BBS9: variants seen among roughly 807,000 people sequenced by gnomAD.
BBS9 encodes the protein Bardet-Biedl syndrome 9, also known as protein PTHB1.
In BBS9, 89 loss-of-function variants were observed where a neutral mutation model predicts 117.7. The observed-to-expected ratio is 0.76, with a 90% CI of 0.64 to 0.90. The LOEUF (loss-of-function observed/expected upper bound fraction) is 0.90. Ranked by LOEUF, BBS9 falls within the 40% of genes least tolerant of loss-of-function variation. The probability of loss-of-function intolerance (pLI) is 0.00; values close to 1 mark genes in which losing one functional copy is unlikely to be tolerated. For synonymous variants in BBS9, 379 were observed against 370.9 expected, an observed-to-expected ratio of 1.02 and a Z score of -0.25; for missense variants, 982 against 1,042.2, an observed-to-expected ratio of 0.94 and a Z score of 0.80.
intron 5 of BBS9, among the ~76,000 whole-genome samples, chr7:33,188,975 AT>A (rs1415042965): frequency 6.6e-6 from 1 of 152,056 alleles, no homozygotes; most frequent in South Asian, 2.1e-4. Flanking sequence ...CATAGATAGT[AT>A]TTTGCTGAAA....
chr7:33,390,629 A>T, intron 19 of BBS9: 1 of 964,588 alleles, frequency 1.0e-6, no homozygotes, highest in Non-Finnish European at 1.2e-6. Flanking sequence ...TCATGAGCAT[A>T]ATAAAGTCTA....
intron 5 of BBS9, among the ~76,000 whole-genome samples, chr7:33,216,442 T>C (rs1318409399): frequency 6.6e-6 from 1 of 152,178 alleles, no homozygotes; most frequent in African/African-American, 2.4e-5. Context: ...AAAGTAATTC[T>C]TTTCCATACA....
intron 21 of BBS9, among the ~76,000 whole-genome samples, chr7:33,565,813 A>ACTGC (rs1856801766): frequency 1.7e-5 from 1 of 60,076 alleles, no homozygotes; most frequent in Non-Finnish European, 2.7e-5. Context: ...ATATATATAT[A>ACTGC]TATATATATA....
At chr7:33,571,183 AG>A (rs1308849088) in intron 21 of BBS9, among the ~76,000 whole-genome samples, 1 of 152,190 alleles carries the variant, frequency 6.6e-6, no homozygotes, top group Non-Finnish European at 1.5e-5. Flanking sequence ...AAAACAAAAA[AG>A]TTTATAAAGA....
chr7:33,530,894 G>T (rs1457723061), intron 20 of BBS9, among the ~76,000 whole-genome samples: 5 of 152,150 alleles, frequency 3.3e-5, no homozygotes, highest in Non-Finnish European at 7.4e-5. Context: ...ACCCATTATG[G>T]CAATCAGTGG....
At chr7:33,390,126 C>A in intron 19 of BBS9, 1 of 369,184 alleles carries the variant, frequency 2.7e-6, no homozygotes. Flanking sequence ...TTTCCCATTT[C>A]TTTGTTCACT....
At chr7:33,568,373 T>A (rs1857244565) in intron 21 of BBS9, among the ~76,000 whole-genome samples, 2 of 152,170 alleles carry the variant, frequency 1.3e-5, no homozygotes, top group Non-Finnish European at 2.9e-5. Flanking sequence ...TTCCTCCCAC[T>A]TAACCAGAGT....
At chr7:33,292,164 T>G (rs554117500) in intron 9 of BBS9, among the ~76,000 whole-genome samples, 1 of 152,344 alleles carries the variant, frequency 6.6e-6, no homozygotes, top group Non-Finnish European at 1.5e-5. Context: ...GTCATGTTAC[T>G]TCACAGCCTG....
Position 33,155,712 on chromosome 7 carries a change from AT to A in BBS9, c.328+15del. 7.1e-7 allele frequency: 1 copy of A among 1,412,176 alleles called. No individual in the cohort carries two copies. The highest frequency in any genetic ancestry group is 1.0e-6 in the Non-Finnish European group (1 of 1,003,066). 87.5% of individuals were successfully genotyped at this position (1,412,176 alleles called of 1,614,324 possible). A position where few individuals can be genotyped will look rare whatever the true frequency, so the allele number is the denominator to read the frequency against. On this transcript the variant is annotated intron_variant, in intron 4 of 22. Transcript: ENST00000242067. Reference sequence around the variant, plus strand: ...GTCTACTCTGTCTCAGGTAAGAAATATTTTTACCAATGTAGAATTTATATTA... The same window carrying A: ...GTCTACTCTGTCTCAGGTAAGAAATATTTTACCAATGTAGAATTTATATTA...
intron 18 of BBS9, among the ~76,000 whole-genome samples, chr7:33,386,872 C>G (rs1457502943): frequency 6.6e-6 from 1 of 152,124 alleles, no homozygotes; most frequent in Non-Finnish European, 1.5e-5. Context: ...TCCCCAGCCA[C>G]TCAATCTCTT....
At chr7:33,354,943 AGT>A (rs1819361684) in intron 15 of BBS9, among the ~76,000 whole-genome samples, 1 of 152,110 alleles carries the variant, frequency 6.6e-6, no homozygotes, top group Admixed American at 6.6e-5. Context: ...CAGAACAGTC[AGT>A]GTGATAAATG....
At chr7:33,165,700 T>C (rs1795573068) in intron 4 of BBS9, among the ~76,000 whole-genome samples, 1 of 152,170 alleles carries the variant, frequency 6.6e-6, no homozygotes, top group Non-Finnish European at 1.5e-5. Context: ...TAAGGTCTTC[T>C]TCTCTACACT....
intron 9 of BBS9, among the ~76,000 whole-genome samples, chr7:33,295,429 T>TA (rs34163597): frequency 0.83 from 125,736 of 151,878 alleles, 52,100 homozygotes; most frequent in Admixed American, 0.86. Flanking sequence ...AATAATTTTT[T>TA]AAGAAACCAG....
intron 21 of BBS9, among the ~76,000 whole-genome samples, chr7:33,597,069 TCACACACACACA>T (rs58511454): frequency 3.2e-4 from 45 of 138,938 alleles, no homozygotes; most frequent in Non-Finnish European, 4.7e-4. Context: ...TCTCTCTCTG[TCACACACACACA>T]CACACACACA....
intron 19 of BBS9, among the ~76,000 whole-genome samples, chr7:33,406,963 T>C (rs1830126530): frequency 6.6e-6 from 1 of 152,210 alleles, no homozygotes. Flanking sequence ...CTGTATTTCC[T>C]GAATCTGAAT....
chr7:33,622,231 TAAAAA>T (rs1277919466), intron 21 of BBS9, among the ~76,000 whole-genome samples: 3 of 151,580 alleles, frequency 2.0e-5, no homozygotes, highest in African/African-American at 4.9e-5. Flanking sequence ...AAAAAATAAA[TAAAAA>T]AGAAAAATAC....
chr7:33,441,275 A>G (rs990027117), intron 19 of BBS9, among the ~76,000 whole-genome samples: 3 of 112,246 alleles, frequency 2.7e-5, no homozygotes, highest in African/African-American at 1.2e-4. Context: ...TGAGCTGTAG[A>G]TGGCCAAAAA....
intron 5 of BBS9, among the ~76,000 whole-genome samples, chr7:33,179,957 T>TTCAGTTCAGTGTAG (rs1797867141): frequency 6.6e-6 from 1 of 152,196 alleles, no homozygotes; most frequent in South Asian, 2.1e-4. Flanking sequence ...TTCCTTGTAG[T>TTCAGTTCAGTGTAG]TTCAGTAAAT....
intron 17 of BBS9, among the ~76,000 whole-genome samples, chr7:33,375,641 T>G (rs985381021): frequency 6.6e-6 from 1 of 150,746 alleles, no homozygotes; most frequent in Non-Finnish European, 1.5e-5. Flanking sequence ...TCACCCAGGC[T>G]GGAGTGCAGT....
Sources: gnomAD v4.1 joint callset for allele counts (sites outside exome capture counted in the v4.1 genomes callset) on GRCh38, gnomAD v4.1.1 for gene constraint, MANE v1.5 for transcripts, NCBI Gene and HGNC (gene_info 2026-07-23, HGNC 2026-07-21) for gene names.